PTCD3: variants seen among roughly 807,000 people sequenced by gnomAD.
PTCD3 encodes the protein small ribosomal subunit protein mS39.
PTCD3 carries 89 observed loss-of-function variants against 101.9 expected under a neutral mutation model. The ratio of observed to expected loss-of-function variants is 0.87; its 90% CI spans 0.74 to 1.04. The LOEUF (loss-of-function observed/expected upper bound fraction) is 1.04, where lower values mean the gene tolerates loss of function less well. Ranked by LOEUF, PTCD3 falls within the 50% of genes least tolerant of loss-of-function variation. The pLI is 0.00. For missense variants in PTCD3, 870 were observed against 828.2 expected, an observed-to-expected ratio of 1.05 and a Z score of -0.62; for synonymous variants, 296 against 278.5, an observed-to-expected ratio of 1.06 and a Z score of -0.63.
chr2:86,127,555 A>C (rs1573855728), intron 13 of PTCD3: 1 of 494,406 alleles, frequency 2.0e-6, no homozygotes, highest in South Asian at 3.1e-5. Flanking sequence ...GATTGCTTTG[A>C]GTTAGCTAGT....
At chr2:86,116,705 G>GA in intron 5 of PTCD3, 107 bp downstream of exon 5, 1 of 796,332 alleles carries the variant, frequency 1.3e-6, no homozygotes, top group Non-Finnish European at 2.1e-6. Context: ...CAAATGCTGA[G>GA]AAATTGATAG....
chr2:86,127,843 C>A, intron 13 of PTCD3, 98 bp from the exon 14 acceptor site: 1 of 973,476 alleles, frequency 1.0e-6, no homozygotes, highest in Non-Finnish European at 1.6e-6. Context: ...TAAATATTAA[C>A]AATATGTTTT....
At chr2:86,127,779 A>G in intron 13 of PTCD3, 162 bp from the exon 14 acceptor site, 1 of 630,770 alleles carries the variant, frequency 1.6e-6, no homozygotes, top group Non-Finnish European at 2.8e-6. Flanking sequence ...TTACCTTTAC[A>G]TTAATGAGTT....
rs1384701026 is a variant in PTCD3 at position 86,116,911 on chromosome 2, G to A, written c.310-144G>A. ...AAATTATATCACAGTAGAAAAGGTG[G>A]GATAGTCTATAATTTCTAATTGGGA... On this transcript the variant is annotated intron_variant, in intron 5 of 23. Coordinates refer to ENST00000254630, the MANE Select transcript of PTCD3 (RefSeq NM_017952.6). The A allele has an allele frequency of 8.1e-6, 5 of 618,740 alleles. No homozygotes were observed. The Admixed American group carries it at 1.5e-4, about 18-fold the overall frequency. 38.3% of individuals were successfully genotyped at this position (618,740 alleles called of 1,614,324 possible). A position where few individuals can be genotyped will look rare whatever the true frequency, so the allele number is the denominator to read the frequency against.
At chr2:86,121,388 G>T (rs1012761523) in intron 7 of PTCD3, 91 bp from the exon 8 acceptor site, 34 of 753,446 alleles carry the variant, frequency 4.5e-5, no homozygotes, top group Admixed American at 3.7e-4. Flanking sequence ...GAAGACCACC[G>T]CTAATATAAA....
chr2:86,112,696 A>G lies in PTCD3; in HGVS notation c.240+1538A>G, dbSNP rs1355835912. Among the ~76,000 whole-genome samples the G allele has an allele frequency of 2.0e-5, 3 of 151,974 alleles. No homozygotes were observed. In the South Asian group the frequency reaches 6.2e-4, roughly 32 times the overall value. The stretch of plus-strand genomic sequence containing the variant: ...GACTCTGTCTCAAAAAAAAAAAAAA[A>G]AAAAAAAATTTAAAATAAAATTATC... On this transcript the variant is annotated intron_variant, in intron 4 of 23. Coordinates refer to ENST00000254630, the MANE Select transcript of PTCD3 (RefSeq NM_017952.6).
chr2:86,114,205 G>A (rs10184246), intron 4 of PTCD3, among the ~76,000 whole-genome samples: 55,155 of 152,166 alleles, frequency 0.36, 12,693 homozygotes, highest in Non-Finnish European at 0.51. Flanking sequence ...CACAGATATT[G>A]TGTAGTTCTA....
intron 14 of PTCD3, among the ~76,000 whole-genome samples, chr2:86,130,370 T>G (rs1674474115): frequency 6.6e-6 from 1 of 152,204 alleles, no homozygotes; most frequent in Admixed American, 6.5e-5. Flanking sequence ...GTCTGCCGCC[T>G]ACTTCAGTAA....
intron 4 of PTCD3, among the ~76,000 whole-genome samples, chr2:86,112,355 CTTT>C (rs368645963): frequency 7.2e-6 from 1 of 138,834 alleles, no homozygotes; most frequent in Non-Finnish European, 1.6e-5. Context: ...AGTGCCCGGC[CTTT>C]TTTTTTTTTT....
At chr2:86,112,681 CAAAAA>C (rs397953846) in intron 4 of PTCD3, among the ~76,000 whole-genome samples, 4 of 81,310 alleles carry the variant, frequency 4.9e-5, no homozygotes, top group South Asian at 4.1e-4. Context: ...GACTCTGTCT[CAAAAA>C]AAAAAAAAAA....
rs1558795740 is a variant in PTCD3, at chr2:86,119,059, T to C, written c.538+15T>C. ...TTTGCAAGCAGGTGACTGAGTTCGATTAAAGCCCCTCTAATAACATGGGCT... is the reference window on the plus strand; with the variant it reads ...TTTGCAAGCAGGTGACTGAGTTCGACTAAAGCCCCTCTAATAACATGGGCT... On this transcript the variant is annotated intron_variant, in intron 7 of 23. Transcript: ENST00000254630. The C allele has an allele frequency of 6.2e-7, 1 of 1,612,232 alleles. No homozygotes were observed. Among genetic ancestry groups the C allele is most frequent in the East Asian group, 2.2e-5 (1 of 44,872 alleles).
Position 86,115,222 on chromosome 2 carries a change from G to A in PTCD3, c.241-1308G>A, listed in dbSNP as rs115764620. Among the ~76,000 whole-genome samples the A allele has an allele frequency of 6.6e-3, 1,006 of 152,270 alleles. 11 individuals carry two copies. The highest frequency in any genetic ancestry group is 0.023 in the African/African-American group (945 of 41,542). Reference sequence around the variant, plus strand: ...ACCTTCCTAAGGATAATGGTTTCAGGTCTGTTAACTCTTTTCTGCAAAATA... The same window carrying A: ...ACCTTCCTAAGGATAATGGTTTCAGATCTGTTAACTCTTTTCTGCAAAATA... On this transcript the variant is annotated intron_variant, in intron 4 of 23. Coordinates refer to ENST00000254630, the MANE Select transcript of PTCD3 (RefSeq NM_017952.6).
chr2:86,110,493 G>A (rs901834084), intron 3 of PTCD3, among the ~76,000 whole-genome samples: 3 of 152,190 alleles, frequency 2.0e-5, no homozygotes, highest in Non-Finnish European at 4.4e-5. Flanking sequence ...AAATTATCTT[G>A]TCTGTCATTT....
intron 2 of PTCD3, 36 bp downstream of exon 2, chr2:86,108,438 T>C (rs371625845): frequency 2.5e-6 from 4 of 1,592,852 alleles, no homozygotes; most frequent in Non-Finnish European, 3.4e-6. Flanking sequence ...TATTTTTATA[T>C]CAACACGTTG....
intron 19 of PTCD3, 98 bp downstream of exon 19, chr2:86,133,534 C>T: frequency 8.5e-7 from 1 of 1,180,696 alleles, no homozygotes; most frequent in Non-Finnish European, 1.2e-6. Flanking sequence ...TGAAAACTTC[C>T]ATTTTGACTG....
chr2:86,116,364 C>T (rs1360062350), intron 4 of PTCD3, among the ~76,000 whole-genome samples, 166 bp from the exon 5 acceptor site: 1 of 152,064 alleles, frequency 6.6e-6, no homozygotes, highest in Admixed American at 6.6e-5. Context: ...AGCAAGACAC[C>T]CTCTCTGCAA....
rs980243567 is a variant in PTCD3 at position 86,106,272 on chromosome 2, T to A, written c.25T>A (p.Trp9Arg). 4 of 1,613,942 alleles carry A rather than the reference T, an allele frequency of 2.5e-6. No homozygotes were observed. Among genetic ancestry groups the A allele is most frequent in the Non-Finnish European group, 2.5e-6 (3 of 1,179,974 alleles). Residue 9 changes from tryptophan to arginine, a missense_variant, in exon 1 of 24, where the codon TGG (tryptophan) becomes AGG (arginine). Physicochemically the swap from Trp to Arg is moderately radical, Grantham distance 101. Coordinates refer to ENST00000254630, the MANE Select transcript of PTCD3 (RefSeq NM_017952.6). ...GATGGCGGTTGTATCTGCTGTTCGC[T>A]GGCTGGGCCTCCGCAGCAGGCTTGG... MAVVSAVR[W>R]LGLRSRLGQP... is the part of the protein sequence containing the mutation.
intron 15 of PTCD3, 70 bp from the exon 16 acceptor site, chr2:86,131,008 G>A (rs1674485734): frequency 2.7e-6 from 4 of 1,505,204 alleles, no homozygotes; most frequent in South Asian, 2.4e-5. Context: ...CAGGATTTTT[G>A]TTAATGTTAC....
At position 86,135,079 on chromosome 2, in the gene PTCD3, C is replaced by T. The variant is rs1674562044; in HGVS notation, c.1778+92C>T. 13 of 1,416,850 alleles carry T rather than the reference C, an allele frequency of 9.2e-6. No homozygotes were observed. The South Asian group carries it at 1.9e-4, about 21-fold the overall frequency. The allele number at this position is 1,416,850 out of a possible 1,614,324, so 87.8% of individuals were successfully genotyped here. A position where few individuals can be genotyped will look rare whatever the true frequency, so the allele number is the denominator to read the frequency against. ...GCTGGTAGAGGTTCTTTCATTTGGC[C>T]ACATAACACGTATTTGATTCGGGAA... On this transcript the variant is annotated intron_variant, in intron 21 of 23. Transcript: ENST00000254630.
Sources: allele counts gnomAD v4.1 joint callset (sites outside exome capture counted in the v4.1 genomes callset), GRCh38; gene constraint gnomAD v4.1.1; transcripts MANE v1.5; gene names NCBI Gene and HGNC (gene_info 2026-07-23, HGNC 2026-07-21).